The following CADM2 variants were observed in gnomAD, a reference collection of about 807,000 sequenced individuals.
The protein encoded by CADM2 is cell adhesion molecule 2.
CADM2 carries 12 observed loss-of-function variants against 49.8 expected under a neutral mutation model. The ratio of observed to expected loss-of-function variants is 0.24; its 90% CI spans 0.15 to 0.39. The LOEUF (loss-of-function observed/expected upper bound fraction) is 0.39, where lower values mean the gene tolerates loss of function less well. CADM2 is among the 10% of genes least tolerant of loss of function. The pLI is 1.00. For missense variants in CADM2, 378 were observed against 492.3 expected (o/e 0.77, Z 2.20); for synonymous variants, 214 against 175.4 (o/e 1.22, Z -1.74).
intron 1 of CADM2, among the ~76,000 whole-genome samples, chr3:85,262,117 G>A (rs898489633): frequency 6.6e-6 from 1 of 151,972 alleles, no homozygotes; most frequent in African/African-American, 2.4e-5. Context: ...TATAAATAAA[G>A]CCTAAGGATG....
At chr3:85,983,323 A>C (rs992956146) in intron 8 of CADM2, among the ~76,000 whole-genome samples, 13 of 151,740 alleles carry the variant, frequency 8.6e-5, no homozygotes, top group Non-Finnish European at 1.8e-4. Flanking sequence ...TAAGGATGTT[A>C]AAACACAGAG....
At chr3:86,011,185 T>G (rs12486099) in intron 8 of CADM2, among the ~76,000 whole-genome samples, 1 of 151,658 alleles carries the variant, frequency 6.6e-6, no homozygotes, top group South Asian at 2.1e-4. Context: ...GCAGATCAAT[T>G]TTACTGAAAT....
rs909572030 is a variant in CADM2 at position 85,850,357 on chromosome 3, C to T, written c.239-32934C>T. 2.2e-5 allele frequency among the ~76,000 whole-genome samples: 3 copies of T among 138,822 alleles called. No homozygotes were observed. In the South Asian group the frequency reaches 7.0e-4, roughly 32 times the overall value. 91.1% of individuals were successfully genotyped at this position (138,822 alleles called of 152,430 possible). On this transcript the variant is annotated intron_variant, in intron 3 of 9. Transcript: ENST00000383699. ...TTTTTTTTTTTGAGACAGAGTCTCG[C>T]TCCGTCGCCCAGGCTGGAGAGCAGT...
chr3:85,106,011 G>A (rs2038209256), intron 1 of CADM2, among the ~76,000 whole-genome samples: 1 of 152,020 alleles, frequency 6.6e-6, no homozygotes, highest in Non-Finnish European at 1.5e-5. Context: ...GAGTTAATGG[G>A]TGCAGCACAC....
intron 1 of CADM2, among the ~76,000 whole-genome samples, chr3:85,237,923 T>C (rs1357686727): frequency 6.6e-6 from 1 of 151,898 alleles, no homozygotes; most frequent in Admixed American, 6.6e-5. Flanking sequence ...TGATCATATA[T>C]TTTTTGGAAA....
At chr3:85,173,945 G>C (rs1196737092) in intron 1 of CADM2, among the ~76,000 whole-genome samples, 1 of 152,206 alleles carries the variant, frequency 6.6e-6, no homozygotes, top group East Asian at 1.9e-4. Context: ...AGAGCTCTTA[G>C]AATCAGAGAA....
At chr3:85,805,429 G>A (rs962456301) in intron 3 of CADM2, 28 of 152,142 alleles carry the variant, frequency 1.8e-4, no homozygotes, top group African/African-American at 6.8e-4. Context: ...ATTGAAGAAA[G>A]AAATCCTTTG....
At chr3:85,505,432 G>T (rs1449391) in intron 1 of CADM2, among the ~76,000 whole-genome samples, 78,186 of 151,940 alleles carry the variant, frequency 0.51, 23,085 homozygotes, top group East Asian at 0.85. Flanking sequence ...CAAATAAACT[G>T]AGCCCACATT....
intron 1 of CADM2, among the ~76,000 whole-genome samples, chr3:85,149,206 G>A (rs1332714493): frequency 6.6e-6 from 1 of 151,916 alleles, no homozygotes; most frequent in Non-Finnish European, 1.5e-5. Flanking sequence ...AACTCATGGT[G>A]AAATTTAATT....
At chr3:86,017,504 G>A (rs1009383394) in intron 8 of CADM2, among the ~76,000 whole-genome samples, 6 of 151,944 alleles carry the variant, frequency 3.9e-5, no homozygotes, top group Non-Finnish European at 7.4e-5. Flanking sequence ...GCCAAGACCC[G>A]CAGATCGCTT....
intron 2 of CADM2, among the ~76,000 whole-genome samples, chr3:85,727,996 C>T (rs1422475698): frequency 6.6e-6 from 1 of 151,998 alleles, no homozygotes; most frequent in African/African-American, 2.4e-5. Context: ...ATGCAATAGA[C>T]AATGGAGTGA....
chr3:84,982,228 G>A, intron 1 of CADM2, among the ~76,000 whole-genome samples: 1 of 152,086 alleles, frequency 6.6e-6, no homozygotes, highest in East Asian at 1.9e-4. Flanking sequence ...CAAGGTGATA[G>A]AATATGTATA....
chr3:85,516,123 C>A (rs2106869377), intron 1 of CADM2, among the ~76,000 whole-genome samples: 2 of 152,228 alleles, frequency 1.3e-5, no homozygotes, highest in South Asian at 4.1e-4. Flanking sequence ...CCACAGTCCT[C>A]AAATGTTTGA....
intron 1 of CADM2, among the ~76,000 whole-genome samples, chr3:85,347,559 A>T (rs2030828292): frequency 7.0e-6 from 1 of 143,054 alleles, no homozygotes; most frequent in Non-Finnish European, 1.5e-5. Flanking sequence ...ATATATACAC[A>T]CATATATATA....
In CADM2 at chr3:86,068,231, A is replaced by C. The variant is rs1342819715; in HGVS notation, c.*1448A>C. On this transcript the variant is annotated 3_prime_UTR_variant, in exon 10 of 10. Transcript: ENST00000383699. The stretch of plus-strand genomic sequence containing the variant: ...AAGTCTCTTTCTCTGGATTATTTTA[A>C]AATTTTGGCGTGTTTAACCATTAAG... 1 of 152,370 alleles carries C rather than the reference A, an allele frequency of 6.6e-6. No homozygotes were observed. The highest frequency in any genetic ancestry group is 1.5e-5 in the Non-Finnish European group (1 of 67,856). The allele number at this position is 152,370 out of a possible 1,614,324, so 9.4% of individuals were successfully genotyped here.
At chr3:85,358,982 T>C (rs58518940) in intron 1 of CADM2, among the ~76,000 whole-genome samples, 181 of 152,262 alleles carry the variant, frequency 1.2e-3, no homozygotes, top group African/African-American at 4.2e-3. Context: ...AATGTGACAA[T>C]AGTTTTGTGT....
intron 1 of CADM2, among the ~76,000 whole-genome samples, chr3:85,194,917 TA>T (rs56965931): frequency 3.7e-4 from 56 of 151,294 alleles, no homozygotes; most frequent in African/African-American, 9.7e-4. Flanking sequence ...TATTTTTGTT[TA>T]AAAAAAAATG....
chr3:85,583,268 G>T (rs1269801099), intron 1 of CADM2, among the ~76,000 whole-genome samples: 1 of 152,030 alleles, frequency 6.6e-6, no homozygotes, highest in African/African-American at 2.4e-5. Flanking sequence ...CACTCATTTA[G>T]TCAGCCAGTT....
At chr3:85,454,326 G>A (rs1336175124) in intron 1 of CADM2, among the ~76,000 whole-genome samples, 1 of 151,862 alleles carries the variant, frequency 6.6e-6, no homozygotes, top group Non-Finnish European at 1.5e-5. Flanking sequence ...GTGAGACTCA[G>A]TCACAAAAAT....
Sources: allele counts gnomAD v4.1 joint callset (sites outside exome capture counted in the v4.1 genomes callset), GRCh38; gene constraint gnomAD v4.1.1; transcripts MANE v1.5; gene names NCBI Gene and HGNC (gene_info 2026-07-23, HGNC 2026-07-21).